The following ELP4 variants were observed in gnomAD, a reference collection of about 807,000 sequenced individuals.
The protein encoded by ELP4 is elongator acetyltransferase complex subunit 4.
Under a neutral mutation model 48.9 loss-of-function variants are expected in ELP4, and 51 were observed. The ratio of observed to expected loss-of-function variants is 1.04; its 90% confidence interval spans 0.83 to 1.32. The LOEUF is 1.32. Ranked by LOEUF, ELP4 falls within the 40% of genes most tolerant of loss-of-function variation. ELP4 has a pLI of 0.00. For missense variants in ELP4, 519 were observed against 514.6 expected, an observed-to-expected ratio of 1.01 and a Z score of -0.08; for synonymous variants, 210 against 189.2, an observed-to-expected ratio of 1.11 and a Z score of -0.90.
At chr11:31,711,782 CT>C (rs1946747638) in intron 9 of ELP4, among the ~76,000 whole-genome samples, 1 of 151,752 alleles carries the variant, frequency 6.6e-6, no homozygotes, top group Non-Finnish European at 1.5e-5. Context: ...TATTATTTTC[CT>C]TCCTTTCACT....
intron 9 of ELP4, among the ~76,000 whole-genome samples, chr11:31,765,361 T>G (rs1039024762): frequency 2.0e-5 from 3 of 152,222 alleles, no homozygotes; most frequent in Admixed American, 6.5e-5. Context: ...CAAACACTGA[T>G]AGATGATATC....
intron 9 of ELP4, among the ~76,000 whole-genome samples, chr11:31,700,524 AATAAAGGCTGTGGGTCTGTAT>A (rs1946498799): frequency 6.6e-6 from 1 of 152,062 alleles, no homozygotes; most frequent in Non-Finnish European, 1.5e-5. Context: ...TGGAATTGAG[AATAAAGGCTGTGGGTCTGTAT>A]AAGGTATCCT....
At chr11:31,565,819 C>T (rs1325406472) in intron 3 of ELP4, among the ~76,000 whole-genome samples, 1 of 152,140 alleles carries the variant, frequency 6.6e-6, no homozygotes, top group Non-Finnish European at 1.5e-5. Flanking sequence ...ATGCCTGCAG[C>T]TTTGTTCTTT....
chr11:31,581,513 A>G (rs527283276), intron 3 of ELP4, among the ~76,000 whole-genome samples: 2 of 150,566 alleles, frequency 1.3e-5, no homozygotes, highest in African/African-American at 4.8e-5. Context: ...TGTTGCTGTT[A>G]TAAAGTTTGA....
At chr11:31,699,022 C>T (rs950668450) in intron 9 of ELP4, among the ~76,000 whole-genome samples, 4 of 152,118 alleles carry the variant, frequency 2.6e-5, no homozygotes, top group Non-Finnish European at 5.9e-5. Flanking sequence ...GCACACACAA[C>T]AATATACATG....
intron 9 of ELP4, among the ~76,000 whole-genome samples, chr11:31,694,998 A>G (rs1248156127): frequency 6.6e-6 from 1 of 152,166 alleles, no homozygotes; most frequent in Non-Finnish European, 1.5e-5. Context: ...ATTTTTGCAC[A>G]TTGATTTTGT....
intron 5 of ELP4, among the ~76,000 whole-genome samples, chr11:31,612,253 GT>G (rs781653113): frequency 1.3e-5 from 2 of 152,176 alleles, no homozygotes; most frequent in Non-Finnish European, 2.9e-5. Context: ...GAAAGCAGCA[GT>G]TTCTGAAGAT....
chr11:31,546,315 A>C (rs1956713641), intron 3 of ELP4, among the ~76,000 whole-genome samples: 1 of 152,146 alleles, frequency 6.6e-6, no homozygotes, highest in Non-Finnish European at 1.5e-5. Context: ...GGAAAACAAA[A>C]AAAGGCAGGG....
At chr11:31,640,222 A>G (rs1945064252) in intron 7 of ELP4, among the ~76,000 whole-genome samples, 1 of 152,010 alleles carries the variant, frequency 6.6e-6, no homozygotes, top group Non-Finnish European at 1.5e-5. Flanking sequence ...TATAGAAAAC[A>G]AGTACAACTT....
rs138080623 is a variant in ELP4, at chr11:31,611,452, G to A, written c.653+7545G>A. Reference sequence around the variant, plus strand: ...AACTCATTCAGGATAGTAAATCCACGACCCTACAAGGCCTTACCTAATCTG... The same window carrying A: ...AACTCATTCAGGATAGTAAATCCACAACCCTACAAGGCCTTACCTAATCTG... On this transcript the variant is annotated intron_variant, in intron 5 of 9. Transcript: ENST00000640961. 2.4e-4 allele frequency among the ~76,000 whole-genome samples: 36 copies of A among 152,072 alleles called. No homozygotes were observed. In the East Asian group the frequency reaches 6.8e-3, roughly 29 times the overall value.
chr11:31,607,695 T>C (rs911606685), intron 5 of ELP4, among the ~76,000 whole-genome samples: 1 of 152,214 alleles, frequency 6.6e-6, no homozygotes, highest in Non-Finnish European at 1.5e-5. Flanking sequence ...TTGCATACAG[T>C]TGGTAGTCAA....
intron 9 of ELP4, among the ~76,000 whole-genome samples, chr11:31,758,647 A>T (rs1243797649): frequency 1.3e-5 from 2 of 150,648 alleles, no homozygotes; most frequent in African/African-American, 4.9e-5. Flanking sequence ...GTTGTTAATG[A>T]TATGTTGACA....
At chr11:31,693,109 C>G (rs1946316235) in intron 9 of ELP4, among the ~76,000 whole-genome samples, 1 of 152,084 alleles carries the variant, frequency 6.6e-6, no homozygotes. Context: ...CTCCACTGCC[C>G]ACCCAAAGGA....
At chr11:31,605,848 G>A (rs1459633488) in intron 5 of ELP4, among the ~76,000 whole-genome samples, 1 of 151,998 alleles carries the variant, frequency 6.6e-6, no homozygotes, top group Non-Finnish European at 1.5e-5. Flanking sequence ...AGCAATTTCA[G>A]GTTAGAGTTG....
chr11:31,693,265 C>A (rs147252429), intron 9 of ELP4, among the ~76,000 whole-genome samples: 18 of 152,014 alleles, frequency 1.2e-4, no homozygotes, highest in African/African-American at 4.1e-4. Context: ...CCCATTAACT[C>A]GTCATTTACA....
chr11:31,543,255 T>A (rs1956622378), intron 3 of ELP4, among the ~76,000 whole-genome samples: 1 of 152,150 alleles, frequency 6.6e-6, no homozygotes, highest in Non-Finnish European at 1.5e-5. Flanking sequence ...ACAGAAATAA[T>A]GAAAAATATG....
chr11:31,542,964 C>T (rs1365209296), intron 3 of ELP4, among the ~76,000 whole-genome samples: 1 of 152,044 alleles, frequency 6.6e-6, no homozygotes, highest in African/African-American at 2.4e-5. Flanking sequence ...AATATAAACA[C>T]AAGTTAAACT....
At chr11:31,552,092 G>C (rs1592109986) in intron 3 of ELP4, among the ~76,000 whole-genome samples, 1 of 152,062 alleles carries the variant, frequency 6.6e-6, no homozygotes, top group African/African-American at 2.4e-5. Context: ...AATAGCACTT[G>C]ATATCATTGA....
chr11:31,706,058 T>G (rs1946624235), intron 9 of ELP4, among the ~76,000 whole-genome samples: 1 of 152,074 alleles, frequency 6.6e-6, no homozygotes, highest in Non-Finnish European at 1.5e-5. Flanking sequence ...CCAAGGCTGG[T>G]CATGAATATA....
Sources: gnomAD v4.1 joint callset for allele counts (sites outside exome capture counted in the v4.1 genomes callset) on GRCh38, gnomAD v4.1.1 for gene constraint, MANE v1.5 for transcripts, NCBI Gene and HGNC (gene_info 2026-07-23, HGNC 2026-07-21) for gene names.